AUTS2: variants seen among roughly 807,000 people sequenced by gnomAD.
AUTS2 encodes activator of transcription and developmental regulator AUTS2, also known as autism susceptibility gene 2 protein.
A neutral mutation model predicts 112.4 loss-of-function variants in AUTS2; 17 were observed. The ratio of observed to expected loss-of-function variants is 0.15; its 90% confidence interval spans 0.10 to 0.23. The LOEUF is 0.23. Among genes scored for constraint, AUTS2 ranks in the 10% least tolerant of loss-of-function variants. The pLI, the probability that AUTS2 is intolerant of heterozygous loss-of-function variation, is 1.00. For synonymous variants in AUTS2, 751 were observed against 702.7 expected (o/e 1.07, Z -1.09); for missense variants, 1,510 against 1,701.6 (o/e 0.89, Z 1.98).
intron 5 of AUTS2, among the ~76,000 whole-genome samples, chr7:70,602,620 A>C (rs2129530141): frequency 6.6e-6 from 1 of 152,328 alleles, no homozygotes; most frequent in South Asian, 2.1e-4. Context: ...GAGAGGTCAA[A>C]GTATTAGGAA....
chr7:69,654,361 C>T (rs1170526942), intron 1 of AUTS2, among the ~76,000 whole-genome samples: 3 of 152,210 alleles, frequency 2.0e-5, no homozygotes, highest in Non-Finnish European at 2.9e-5. Context: ...AAGGAGAGCA[C>T]AGGCCCTTTC....
chr7:69,897,664 AG>A (rs1794807906), intron 1 of AUTS2, among the ~76,000 whole-genome samples: 1 of 151,942 alleles, frequency 6.6e-6, no homozygotes, highest in African/African-American at 2.4e-5. Flanking sequence ...AGGCTGAGGC[AG>A]GGAATCGCTT....
At chr7:70,772,036 C>T (rs977502556) in intron 11 of AUTS2, among the ~76,000 whole-genome samples, 4 of 152,318 alleles carry the variant, frequency 2.6e-5, no homozygotes, top group Non-Finnish European at 5.9e-5. Flanking sequence ...AAGCTGGGTC[C>T]TTACTGATTT....
intron 1 of AUTS2, among the ~76,000 whole-genome samples, chr7:69,616,176 G>A (rs935035893): frequency 1.3e-5 from 2 of 152,122 alleles, no homozygotes; most frequent in Non-Finnish European, 1.5e-5. Context: ...TCTTTTCTAG[G>A]ATGCTCCCTC....
At chr7:70,245,908 C>T (rs2129602240) in intron 4 of AUTS2, among the ~76,000 whole-genome samples, 1 of 152,164 alleles carries the variant, frequency 6.6e-6, no homozygotes, top group African/African-American at 2.4e-5. Context: ...TCTTATCATA[C>T]TTCATATGAA....
intron 1 of AUTS2, among the ~76,000 whole-genome samples, chr7:69,623,406 T>G (rs1793775877): frequency 7.5e-6 from 1 of 133,970 alleles, no homozygotes; most frequent in Non-Finnish European, 1.6e-5. Flanking sequence ...TTTTTTTTTT[T>G]GCAGGGGTAG....
chr7:69,723,912 C>T (rs1786369057), intron 1 of AUTS2, among the ~76,000 whole-genome samples: 1 of 152,162 alleles, frequency 6.6e-6, no homozygotes, highest in South Asian at 2.1e-4. Context: ...GCCAAGCAGC[C>T]AGGAATGTCT....
At chr7:69,927,563 T>A (rs1796070513) in intron 2 of AUTS2, among the ~76,000 whole-genome samples, 1 of 152,214 alleles carries the variant, frequency 6.6e-6, no homozygotes, top group Non-Finnish European at 1.5e-5. Flanking sequence ...CCTGCTGGGC[T>A]CATTCCACCC....
chr7:70,077,135 G>A (rs1192021496), intron 2 of AUTS2, among the ~76,000 whole-genome samples: 1 of 152,174 alleles, frequency 6.6e-6, no homozygotes, highest in Non-Finnish European at 1.5e-5. Flanking sequence ...AACAATTTGA[G>A]CTGTCCATTA....
intron 1 of AUTS2, among the ~76,000 whole-genome samples, chr7:69,680,262 C>G (rs1469933920): frequency 3.3e-5 from 5 of 152,284 alleles, no homozygotes; most frequent in Non-Finnish European, 4.4e-5. Context: ...TAGGGATTGT[C>G]AGAATTGGCT....
intron 4 of AUTS2, among the ~76,000 whole-genome samples, chr7:70,313,417 CAA>C (rs1470525797): frequency 6.6e-6 from 1 of 152,148 alleles, no homozygotes; most frequent in African/African-American, 2.4e-5. Flanking sequence ...CTAAAAGAAA[CAA>C]AAAGATTCTC....
At chr7:70,231,441 G>GT (rs1173257585) in intron 4 of AUTS2, among the ~76,000 whole-genome samples, 1 of 151,720 alleles carries the variant, frequency 6.6e-6, no homozygotes, top group Non-Finnish European at 1.5e-5. Context: ...TGGTTTTTTT[G>GT]TTTTTTGTTT....
At chr7:70,332,818 A>G (rs1009980528) in intron 4 of AUTS2, among the ~76,000 whole-genome samples, 10 of 152,214 alleles carry the variant, frequency 6.6e-5, no homozygotes, top group African/African-American at 2.4e-4. Flanking sequence ...TTAACTCAGG[A>G]TGGATTAAAG....
intron 2 of AUTS2, among the ~76,000 whole-genome samples, chr7:70,047,469 A>T (rs1181009775): frequency 6.6e-6 from 1 of 152,170 alleles, no homozygotes; most frequent in Non-Finnish European, 1.5e-5. Flanking sequence ...TTATAACATG[A>T]GGTGATTTTA....
intron 3 of AUTS2, 58 bp downstream of exon 3, chr7:70,118,291 C>T: frequency 1.4e-6 from 2 of 1,470,802 alleles, no homozygotes; most frequent in Non-Finnish European, 1.8e-6. Context: ...CTAGGCCACA[C>T]ACACACCATT....
intron 2 of AUTS2, among the ~76,000 whole-genome samples, chr7:70,025,711 C>A (rs1481694331): frequency 1.3e-5 from 2 of 151,524 alleles, no homozygotes; most frequent in Non-Finnish European, 2.9e-5. Context: ...CCGCCTTGGC[C>A]TCCCAAAGTG....
chr7:70,129,540 C>T (rs995782434), intron 3 of AUTS2, among the ~76,000 whole-genome samples: 4 of 152,160 alleles, frequency 2.6e-5, no homozygotes, highest in African/African-American at 9.7e-5. Context: ...CTCTGGGGTT[C>T]CTGGTAGACA....
intron 1 of AUTS2, among the ~76,000 whole-genome samples, chr7:69,703,730 A>G (rs750031408): frequency 3.3e-5 from 5 of 152,226 alleles, no homozygotes; most frequent in Non-Finnish European, 7.3e-5. Flanking sequence ...AGTAAATATC[A>G]GAGATGTTAA....
intron 4 of AUTS2, among the ~76,000 whole-genome samples, chr7:70,430,255 GA>G (rs1032694690): frequency 6.6e-6 from 1 of 152,184 alleles, no homozygotes; most frequent in African/African-American, 2.4e-5. Context: ...CAACGTGGGA[GA>G]GGGGCAGTTT....
Sources: allele counts gnomAD v4.1 joint callset (sites outside exome capture counted in the v4.1 genomes callset), GRCh38; gene constraint gnomAD v4.1.1; transcripts MANE v1.5; gene names NCBI Gene and HGNC (gene_info 2026-07-23, HGNC 2026-07-21).